CRACD: variants seen among roughly 807,000 people sequenced by gnomAD.
The protein encoded by CRACD is capping protein inhibiting regulator of actin dynamics, also known as capping protein-inhibiting regulator of actin dynamics.
Under a neutral mutation model 106.8 loss-of-function variants are expected in CRACD, and 56 were observed. That is an observed-to-expected ratio of 0.52 (90% CI 0.42 to 0.66). The LOEUF is 0.66. CRACD is among the 30% of genes least tolerant of loss of function. The pLI is 0.00. For missense variants in CRACD, 1,730 were observed against 1,623.2 expected (o/e 1.07, Z -1.13); for synonymous variants, 754 against 670.8 (o/e 1.12, Z -1.92).
intron 2 of CRACD, among the ~76,000 whole-genome samples, chr4:56,238,860 T>C (rs2109555487): frequency 6.6e-6 from 1 of 152,320 alleles, no homozygotes; most frequent in African/African-American, 2.4e-5. Flanking sequence ...TTTTGTGAGC[T>C]GCCTGTTTAC....
At chr4:56,309,266 A>G (rs1286406634) in intron 5 of CRACD, among the ~76,000 whole-genome samples, 1 of 152,204 alleles carries the variant, frequency 6.6e-6, no homozygotes, top group African/African-American at 2.4e-5. Flanking sequence ...GAAGCCTCTG[A>G]GTAATTTTAA....
intron 1 of CRACD, among the ~76,000 whole-genome samples, chr4:56,052,193 C>T (rs539242503): frequency 1.3e-5 from 2 of 152,258 alleles, no homozygotes; most frequent in Admixed American, 6.5e-5. Flanking sequence ...CCAGCCTAAA[C>T]TTTTATTTTT....
chr4:56,195,484 A>G (rs1737563748), intron 2 of CRACD, among the ~76,000 whole-genome samples: 2 of 152,186 alleles, frequency 1.3e-5, no homozygotes, highest in African/African-American at 4.8e-5. Flanking sequence ...TTAGGTGATT[A>G]CTCATATCAA....
At chr4:56,186,409 G>A (rs991405573) in intron 2 of CRACD, among the ~76,000 whole-genome samples, 1 of 152,118 alleles carries the variant, frequency 6.6e-6, no homozygotes, top group Non-Finnish European at 1.5e-5. Context: ...GTTGTATACT[G>A]TACTATATGC....
chr4:56,240,221 C>G (rs1317562966), intron 2 of CRACD, among the ~76,000 whole-genome samples: 4 of 151,792 alleles, frequency 2.6e-5, no homozygotes, highest in Non-Finnish European at 4.4e-5. Flanking sequence ...TGGGGAAGAT[C>G]AAGGAGGACG....
intron 2 of CRACD, among the ~76,000 whole-genome samples, chr4:56,193,077 G>C (rs138483023): frequency 6.6e-6 from 1 of 152,180 alleles, no homozygotes; most frequent in Non-Finnish European, 1.5e-5. Flanking sequence ...AGTTCCACTT[G>C]GCTGGGGAGG....
chr4:56,216,912 G>A (rs955303658), intron 2 of CRACD, among the ~76,000 whole-genome samples: 18 of 149,926 alleles, frequency 1.2e-4, no homozygotes, highest in Admixed American at 2.7e-4. Flanking sequence ...CCCGGGAAGC[G>A]GAGCTTGCAG....
intron 2 of CRACD, among the ~76,000 whole-genome samples, chr4:56,193,319 G>T (rs1037517512): frequency 6.6e-6 from 1 of 152,116 alleles, no homozygotes; most frequent in African/African-American, 2.4e-5. Context: ...AAATTTGTAG[G>T]GGGGCACACA....
chr4:56,150,344 G>A (rs1735538462), intron 1 of CRACD, among the ~76,000 whole-genome samples: 1 of 152,196 alleles, frequency 6.6e-6, no homozygotes, highest in African/African-American at 2.4e-5. Context: ...CTGGTACGTA[G>A]TAAGCATCTG....
intron 2 of CRACD, among the ~76,000 whole-genome samples, chr4:56,261,717 TG>T (rs1033094339): frequency 2.6e-5 from 4 of 152,136 alleles, no homozygotes; most frequent in African/African-American, 9.7e-5. Flanking sequence ...AAAAGGAGGT[TG>T]TAACAGACCA....
At chr4:56,118,634 T>A (rs926589672) in intron 1 of CRACD, among the ~76,000 whole-genome samples, 2 of 152,182 alleles carry the variant, frequency 1.3e-5, no homozygotes, top group African/African-American at 4.8e-5. Flanking sequence ...TGCAGTGGTT[T>A]CTACCTATAG....
intron 1 of CRACD, among the ~76,000 whole-genome samples, chr4:56,080,851 G>A (rs1448727464): frequency 6.6e-6 from 1 of 152,166 alleles, no homozygotes; most frequent in Admixed American, 6.5e-5. Context: ...GCACCAGACC[G>A]TTATTAACAA....
At chr4:56,128,523 C>A (rs1734726594) in intron 1 of CRACD, among the ~76,000 whole-genome samples, 1 of 152,088 alleles carries the variant, frequency 6.6e-6, no homozygotes, top group African/African-American at 2.4e-5. Context: ...TGACTGGATC[C>A]TTTTCTATTA....
intron 2 of CRACD, among the ~76,000 whole-genome samples, chr4:56,188,897 T>C (rs75755112): frequency 2.0e-5 from 3 of 151,882 alleles, no homozygotes; most frequent in African/African-American, 4.8e-5. Flanking sequence ...ATGGGCTGGG[T>C]GCGGTAGCTC....
At chr4:56,295,660 CATATATATATATATAT>C (rs57635563) in intron 3 of CRACD, among the ~76,000 whole-genome samples, 10,389 of 108,728 alleles carry the variant, frequency 0.096, 646 homozygotes, top group Admixed American at 0.13. Context: ...AATTAGTAAA[CATATATATATATATAT>C]ATATATATAT....
intron 1 of CRACD, among the ~76,000 whole-genome samples, chr4:56,168,140 T>C (rs141895583): frequency 2.4e-4 from 37 of 152,342 alleles, no homozygotes; most frequent in Non-Finnish European, 4.7e-4. Context: ...TTTGCCATGT[T>C]GCCAATCTTG....
At chr4:56,262,492 T>G (rs951337276) in intron 2 of CRACD, among the ~76,000 whole-genome samples, 4 of 151,088 alleles carry the variant, frequency 2.6e-5, no homozygotes, top group African/African-American at 7.3e-5. Context: ...ATAAACTTTC[T>G]TAAAACATTA....
At chr4:56,183,285 T>TAAAATAAAATAAAATAAAATA (rs1736931242) in intron 2 of CRACD, among the ~76,000 whole-genome samples, 35 of 143,596 alleles carry the variant, frequency 2.4e-4, no homozygotes, top group African/African-American at 9.7e-4. Flanking sequence ...TAAAATAAAA[T>TAAAATAAAATAAAATAAAATA]AAAAAGAATT....
intron 2 of CRACD, among the ~76,000 whole-genome samples, chr4:56,229,887 G>A: frequency 6.6e-6 from 1 of 152,080 alleles, no homozygotes. Flanking sequence ...TCTTATTATA[G>A]CTCTCCAGTA....
Sources: gnomAD v4.1 joint callset for allele counts (sites outside exome capture counted in the v4.1 genomes callset) on GRCh38, gnomAD v4.1.1 for gene constraint, MANE v1.5 for transcripts, NCBI Gene and HGNC (gene_info 2026-07-23, HGNC 2026-07-21) for gene names.